NXPE2: variants seen among roughly 807,000 people sequenced by gnomAD.
NXPE2 encodes the protein neurexophilin and PC-esterase domain family member 2, also known as NXPE family member 2.
In NXPE2, 34 loss-of-function variants were observed where a neutral mutation model predicts 34.4. The ratio of observed to expected loss-of-function variants is 0.99; its 90% CI spans 0.75 to 1.31. The LOEUF (loss-of-function observed/expected upper bound fraction) is 1.31, where lower values mean the gene tolerates loss of function less well. Ranked by LOEUF, NXPE2 falls within the 40% of genes most tolerant of loss-of-function variation. NXPE2 has a pLI of 0.00. For synonymous variants in NXPE2, 235 were observed against 231.3 expected, an observed-to-expected ratio of 1.02 and a Z score of -0.15; for missense variants, 649 against 672.5, an observed-to-expected ratio of 0.97 and a Z score of 0.39.
the NXPE2 span, among the ~76,000 whole-genome samples, chr11:114,712,413 C>G: frequency 9.9e-5 from 15 of 151,774 alleles, no homozygotes; most frequent in South Asian, 3.1e-3. Context: ...GTATTAATAT[C>G]CAGAATATGT....
chr11:114,630,763 C>G, the NXPE2 span, among the ~76,000 whole-genome samples: 1 of 151,756 alleles, frequency 6.6e-6, no homozygotes, highest in Non-Finnish European at 1.5e-5. Context: ...AAAATCTTCG[C>G]AACCTACTCA....
In NXPE2 at chr11:114,698,679, T is replaced by G. The variant is rs774230603; in HGVS notation, c.767T>G (p.Val256Gly). ...DDRDQEAFYC[V>G]RPQHMPCEAL... The stretch of plus-strand genomic sequence containing the variant: ...AGAGACCAAGAAGCCTTCTACTGTG[T>G]GAGGCCTCAACATATGCCCTGTGAG... Residue 256 changes from valine to glycine, a missense_variant, in exon 3 of 6, where the codon GTG becomes GGG. Physicochemically the swap from Val to Gly is moderately radical, Grantham distance 109. Coordinates refer to ENST00000389586, the MANE Select transcript of NXPE2 (RefSeq NM_182495.6). 5.0e-6 allele frequency: 8 copies of G among 1,614,062 alleles called. No individual in the cohort carries two copies. Among genetic ancestry groups the G allele is most frequent in the Admixed American group, 1.7e-5 (1 of 60,000 alleles).
the NXPE2 span, among the ~76,000 whole-genome samples, chr11:114,739,616 G>A: frequency 6.6e-6 from 1 of 151,940 alleles, no homozygotes; most frequent in Non-Finnish European, 1.5e-5. Context: ...TACTCTGTTA[G>A]CAAATTTAGT....
the NXPE2 span, among the ~76,000 whole-genome samples, chr11:114,464,885 A>G: frequency 1.1e-4 from 17 of 152,224 alleles, no homozygotes; most frequent in Non-Finnish European, 1.5e-5. Context: ...AGACAAATGA[A>G]GAAAGCATGA....
chr11:114,758,040 C>T, the NXPE2 span, among the ~76,000 whole-genome samples: 27 of 152,154 alleles, frequency 1.8e-4, no homozygotes, highest in Admixed American at 5.2e-4. Flanking sequence ...CTGGAATTGA[C>T]TATTTTAATA....
At chr11:114,582,431 C>T in the NXPE2 span, 11 of 1,614,192 alleles carry the variant, frequency 6.8e-6, no homozygotes, top group Non-Finnish European at 8.5e-6. Context: ...GGTACTGGCA[C>T]AATTCAGCAT....
chr11:114,721,142 C>T, the NXPE2 span, among the ~76,000 whole-genome samples: 1 of 152,024 alleles, frequency 6.6e-6, no homozygotes. Flanking sequence ...TGAGGACCAT[C>T]CTGGGGGTTG....
the NXPE2 span, among the ~76,000 whole-genome samples, chr11:114,770,446 T>C: frequency 6.6e-6 from 1 of 152,254 alleles, no homozygotes; most frequent in Non-Finnish European, 1.5e-5. Context: ...TGGACTGAGC[T>C]GCTACCAGGT....
chr11:114,667,135 C>T, the NXPE2 span, among the ~76,000 whole-genome samples: 1 of 152,074 alleles, frequency 6.6e-6, no homozygotes, highest in African/African-American at 2.4e-5. Flanking sequence ...TATCTGTATA[C>T]ATGAAGATAT....
At chr11:114,593,704 C>G in the NXPE2 span, among the ~76,000 whole-genome samples, 2 of 152,036 alleles carry the variant, frequency 1.3e-5, no homozygotes, top group Non-Finnish European at 2.9e-5. Flanking sequence ...ATCAGTATAT[C>G]CAAGAGCTAT....
At chr11:114,611,184 C>A in the NXPE2 span, among the ~76,000 whole-genome samples, 1 of 151,556 alleles carries the variant, frequency 6.6e-6, no homozygotes, top group African/African-American at 2.4e-5. Flanking sequence ...TGGGTAACCA[C>A]TGCTACCCGC....
the NXPE2 span, among the ~76,000 whole-genome samples, chr11:114,535,061 C>T: frequency 6.6e-6 from 1 of 152,158 alleles, no homozygotes; most frequent in East Asian, 1.9e-4. Flanking sequence ...AAGGGAAGCC[C>T]ATCAGACTAA....
chr11:114,552,846 AC>A, the NXPE2 span: 1 of 971,472 alleles, frequency 1.0e-6, no homozygotes, highest in Non-Finnish European at 1.2e-6. Flanking sequence ...AATACTGGGT[AC>A]TTACCCAATA....
the NXPE2 span, among the ~76,000 whole-genome samples, chr11:114,489,584 T>G: frequency 6.6e-6 from 1 of 152,152 alleles, no homozygotes; most frequent in Non-Finnish European, 1.5e-5. Context: ...ATCCAGCATA[T>G]AAACAGAACC....
the NXPE2 span, among the ~76,000 whole-genome samples, chr11:114,562,197 T>G: frequency 1.3e-5 from 2 of 152,248 alleles, no homozygotes; most frequent in Non-Finnish European, 2.9e-5. Context: ...CATCTTTGCA[T>G]TTGAAATTTT....
chr11:114,591,404 C>T, the NXPE2 span, among the ~76,000 whole-genome samples: 2 of 152,122 alleles, frequency 1.3e-5, no homozygotes, highest in East Asian at 3.9e-4. Context: ...GTTTTCCTTC[C>T]ATGAGAGGTA....
the NXPE2 span, among the ~76,000 whole-genome samples, chr11:114,647,467 C>A: frequency 6.6e-6 from 1 of 152,240 alleles, no homozygotes; most frequent in East Asian, 1.9e-4. Context: ...GGGACAAAGT[C>A]TTTACCATGT....
chr11:114,572,945 C>CT, the NXPE2 span, among the ~76,000 whole-genome samples: 1 of 152,100 alleles, frequency 6.6e-6, no homozygotes, highest in Non-Finnish European at 1.5e-5. Flanking sequence ...AGGAAAAAAT[C>CT]TTAAGAGCTG....
the NXPE2 span, among the ~76,000 whole-genome samples, chr11:114,562,695 T>A: frequency 6.6e-6 from 1 of 152,180 alleles, no homozygotes. Flanking sequence ...AGTCGTTGTA[T>A]CCAATCACAC....
Sources: gnomAD v4.1 joint callset for allele counts (sites outside exome capture counted in the v4.1 genomes callset) on GRCh38, gnomAD v4.1.1 for gene constraint, MANE v1.5 for transcripts, NCBI Gene and HGNC (gene_info 2026-07-23, HGNC 2026-07-21) for gene names.